Variants in KLF8 observed in about 807,000 individuals in gnomAD.
KLF8 encodes the protein KLF transcription factor 8.
In KLF8, 10 loss-of-function variants were observed where a neutral mutation model predicts 18.2. The ratio of observed to expected loss-of-function variants is 0.55; its 90% CI spans 0.34 to 0.93. The LOEUF (loss-of-function observed/expected upper bound fraction) is 0.93, where lower values mean the gene tolerates loss of function less well. KLF8 is among the 40% of genes least tolerant of loss of function. The pLI is 0.02. For missense variants in KLF8, 264 were observed against 277.9 expected (o/e 0.95, Z 0.36); for synonymous variants, 109 against 97.3 (o/e 1.12, Z -0.71).
the KLF8 span, among the ~76,000 whole-genome samples, chrX:55,973,382 A>C: frequency 3.5e-4 from 39 of 112,227 alleles, no homozygotes; most frequent in South Asian, 0.014. Context: ...AAGAGGTTCT[A>C]CCTAGCAAAA....
chrX:56,180,128 T>C, the KLF8 span, among the ~76,000 whole-genome samples: 5 of 111,624 alleles, frequency 4.5e-5, no homozygotes, highest in African/African-American at 6.5e-5. Context: ...TCCTGGACTT[T>C]TTTTGGTTGG....
chrX:55,953,720 A>T, the KLF8 span, among the ~76,000 whole-genome samples: 17 of 111,113 alleles, frequency 1.5e-4, no homozygotes, highest in Non-Finnish European at 3.0e-4. Context: ...ATTTAATGGG[A>T]TAAAGAATCA....
chrX:55,980,593 G>A, the KLF8 span, among the ~76,000 whole-genome samples: 3 of 111,329 alleles, frequency 2.7e-5, no homozygotes, highest in Admixed American at 9.6e-5. Flanking sequence ...TCTATTCACC[G>A]TGCATAATTT....
the KLF8 span, among the ~76,000 whole-genome samples, chrX:56,134,561 A>G: frequency 2.7e-5 from 3 of 112,025 alleles, no homozygotes; most frequent in Non-Finnish European, 5.6e-5. Flanking sequence ...ACATTCTAGA[A>G]GATAACACTG....
At chrX:55,992,929 G>A in the KLF8 span, among the ~76,000 whole-genome samples, 1 of 111,602 alleles carries the variant, frequency 9.0e-6, no homozygotes, top group African/African-American at 3.3e-5. Context: ...AAATGCTACT[G>A]ATTTTTGTAC....
chrX:56,101,698 T>C, the KLF8 span, among the ~76,000 whole-genome samples: 2 of 112,280 alleles, frequency 1.8e-5, no homozygotes, highest in Non-Finnish European at 3.8e-5. Context: ...CTCTGAAGAC[T>C]AGTGATGGAG....
chrX:56,239,208 C>T (rs765773523), intron 1 of KLF8, among the ~76,000 whole-genome samples: 13 of 111,662 alleles, frequency 1.2e-4, no homozygotes, highest in Non-Finnish European at 2.4e-4. Context: ...TCTCATCACA[C>T]GGACCTGGGA....
chrX:56,021,292 T>C, the KLF8 span, among the ~76,000 whole-genome samples: 1 of 112,190 alleles, frequency 8.9e-6, no homozygotes, highest in African/African-American at 3.2e-5. Flanking sequence ...TTTGTTCTTT[T>C]TTCATTTCTC....
At chrX:56,171,619 G>A in the KLF8 span, among the ~76,000 whole-genome samples, 13 of 111,179 alleles carry the variant, frequency 1.2e-4, no homozygotes, top group African/African-American at 2.9e-4. Flanking sequence ...GAGAACATGC[G>A]GTGTTTGGAT....
the KLF8 span, among the ~76,000 whole-genome samples, chrX:56,140,316 C>T: frequency 9.0e-6 from 1 of 111,651 alleles, no homozygotes; most frequent in Non-Finnish European, 1.9e-5. Flanking sequence ...CGTATGTTCA[C>T]TGAAGCACTA....
intron 1 of KLF8, among the ~76,000 whole-genome samples, chrX:56,238,055 A>T: frequency 8.9e-6 from 1 of 112,057 alleles, no homozygotes; most frequent in African/African-American, 3.2e-5. Context: ...TAGGTCTTCT[A>T]CCTATTAATT....
the KLF8 span, among the ~76,000 whole-genome samples, chrX:56,123,255 A>G: frequency 1.0e-4 from 8 of 77,101 alleles, no homozygotes; most frequent in Non-Finnish European, 2.0e-4. Context: ...AAGAAAGAAA[A>G]AGAAAGAAAG....
At chrX:56,189,073 G>A in the KLF8 span, among the ~76,000 whole-genome samples, 1 of 111,596 alleles carries the variant, frequency 9.0e-6, no homozygotes, top group African/African-American at 3.3e-5. Flanking sequence ...TACCATCAGA[G>A]TGAACAGGCA....
the KLF8 span, among the ~76,000 whole-genome samples, chrX:56,036,786 A>G: frequency 8.9e-6 from 1 of 111,885 alleles, no homozygotes; most frequent in Admixed American, 9.5e-5. Flanking sequence ...GTCTTTAACA[A>G]TAATAAATTT....
the KLF8 span, among the ~76,000 whole-genome samples, chrX:56,050,279 G>A: frequency 9.0e-6 from 1 of 111,177 alleles, no homozygotes; most frequent in Non-Finnish European, 1.9e-5. Context: ...CAGTTCTGCT[G>A]TGATTTTAGT....
At chrX:56,110,629 A>G in the KLF8 span, among the ~76,000 whole-genome samples, 1 of 110,731 alleles carries the variant, frequency 9.0e-6, no homozygotes, top group Non-Finnish European at 1.9e-5. Context: ...TAGTTTTTTT[A>G]TAGTGTTCAT....
At chrX:56,108,542 T>C in the KLF8 span, among the ~76,000 whole-genome samples, 1 of 112,479 alleles carries the variant, frequency 8.9e-6, no homozygotes. Flanking sequence ...GTAATGTCTC[T>C]ACTTTTATTT....
chrX:56,116,088 T>C, the KLF8 span, among the ~76,000 whole-genome samples: 1 of 113,144 alleles, frequency 8.8e-6, no homozygotes, highest in Non-Finnish European at 1.9e-5. Context: ...TGTGCTTTCT[T>C]AGCTCTTTGC....
At chrX:56,126,489 G>C in the KLF8 span, among the ~76,000 whole-genome samples, 5 of 111,209 alleles carry the variant, frequency 4.5e-5, no homozygotes, top group African/African-American at 9.8e-5. Context: ...ACTTAGATCA[G>C]ATCACACCTC....
Sources: allele counts gnomAD v4.1 joint callset (sites outside exome capture counted in the v4.1 genomes callset), GRCh38; gene constraint gnomAD v4.1.1; transcripts MANE v1.5; gene names NCBI Gene and HGNC (gene_info 2026-07-23, HGNC 2026-07-21).